Variants in LPAR1 observed in about 807,000 individuals in gnomAD.
The protein encoded by LPAR1 is LPA receptor 1.
A neutral mutation model predicts 23.8 loss-of-function variants in LPAR1; 5 were observed. The ratio of observed to expected loss-of-function variants is 0.21; its 90% CI spans 0.11 to 0.44. LPAR1 has a LOEUF of 0.44. Ranked by LOEUF, LPAR1 falls within the 20% of genes least tolerant of loss-of-function variation. The pLI, the probability that LPAR1 is intolerant of heterozygous loss-of-function variation, is 0.99. For synonymous variants in LPAR1, 160 were observed against 164.7 expected (o/e 0.97, Z 0.22); for missense variants, 311 against 482.8 (o/e 0.64, Z 3.33).
At chr9:110,907,916 A>C (rs1446859855) in intron 5 of LPAR1, among the ~76,000 whole-genome samples, 5 of 139,798 alleles carry the variant, frequency 3.6e-5, no homozygotes, top group African/African-American at 1.1e-4. Flanking sequence ...CCTTTGACAA[A>C]ACACACACAC....
chr9:110,914,691 G>A (rs923910572), intron 5 of LPAR1, among the ~76,000 whole-genome samples: 1 of 152,194 alleles, frequency 6.6e-6, no homozygotes, highest in Non-Finnish European at 1.5e-5. Flanking sequence ...AAGGCAGAAT[G>A]CTGATACTGA....
intron 2 of LPAR1, chr9:110,999,459 T>C (rs2097088406): frequency 2.2e-6 from 1 of 455,606 alleles, no homozygotes; most frequent in African/African-American, 2.0e-5. Flanking sequence ...CATGCAGCCC[T>C]GCTTTCTAAA....
At chr9:111,019,411 A>G (rs1446190508) in intron 2 of LPAR1, among the ~76,000 whole-genome samples, 1 of 152,162 alleles carries the variant, frequency 6.6e-6, no homozygotes, top group Admixed American at 6.5e-5. Context: ...TGTTCACTGG[A>G]ACATTTTTAC....
At chr9:110,903,116 A>G (rs2089893501) in intron 5 of LPAR1, among the ~76,000 whole-genome samples, 1 of 152,218 alleles carries the variant, frequency 6.6e-6, no homozygotes, top group South Asian at 2.1e-4. Flanking sequence ...GGATAGAATG[A>G]AAAATTACCC....
intron 4 of LPAR1, among the ~76,000 whole-genome samples, chr9:110,967,329 A>T (rs1015532334): frequency 6.6e-6 from 1 of 152,180 alleles, no homozygotes; most frequent in Non-Finnish European, 1.5e-5. Flanking sequence ...ATATCTTTCA[A>T]CTAACTAAAC....
chr9:110,892,293 A>G (rs10817105), intron 5 of LPAR1, among the ~76,000 whole-genome samples: 24,951 of 152,172 alleles, frequency 0.16, 2,603 homozygotes, highest in Admixed American at 0.24. Context: ...GAGAGAGAGA[A>G]TGAGGAAGAG....
chr9:110,935,617 T>C (rs2094650602), intron 5 of LPAR1, among the ~76,000 whole-genome samples: 1 of 152,130 alleles, frequency 6.6e-6, no homozygotes, highest in Non-Finnish European at 1.5e-5. Context: ...GGTGAAACCC[T>C]GGCTCTAAAA....
At chr9:110,876,617 G>A (rs1464339990) in intron 5 of LPAR1, among the ~76,000 whole-genome samples, 1 of 152,166 alleles carries the variant, frequency 6.6e-6, no homozygotes, top group East Asian at 1.9e-4. Context: ...GCTGCCTCCA[G>A]AGTTCAAGCT....
chr9:110,979,998 A>G (rs76995648), intron 2 of LPAR1, among the ~76,000 whole-genome samples: 2,026 of 152,258 alleles, frequency 0.013, 22 homozygotes, highest in Middle Eastern at 0.027. Flanking sequence ...ATTAGTTTAA[A>G]TAGAACAAAA....
chr9:111,013,803 G>A (rs770374695), intron 2 of LPAR1, among the ~76,000 whole-genome samples: 5 of 152,044 alleles, frequency 3.3e-5, no homozygotes, highest in Non-Finnish European at 5.9e-5. Flanking sequence ...ATTCCCTCTT[G>A]CAAACAACTC....
At chr9:111,033,276 C>G (rs1401668263) in intron 2 of LPAR1, among the ~76,000 whole-genome samples, 1 of 152,144 alleles carries the variant, frequency 6.6e-6, no homozygotes, top group African/African-American at 2.4e-5. Context: ...AACAACAACA[C>G]TACTTTGAAA....
chr9:110,995,564 T>G (rs1286655568), intron 2 of LPAR1, among the ~76,000 whole-genome samples: 1 of 152,122 alleles, frequency 6.6e-6, no homozygotes, highest in Non-Finnish European at 1.5e-5. Context: ...AGAAAACTAG[T>G]ATTGTACTAG....
chr9:110,881,473 C>T (rs984609197), intron 5 of LPAR1, among the ~76,000 whole-genome samples: 1 of 152,134 alleles, frequency 6.6e-6, no homozygotes, highest in Non-Finnish European at 1.5e-5. Flanking sequence ...CAAGAGAATG[C>T]CAAAGCTGCC....
chr9:110,895,335 A>AGCAAAGGTTCTGGGTG (rs2085938585), intron 5 of LPAR1, among the ~76,000 whole-genome samples: 1 of 152,334 alleles, frequency 6.6e-6, no homozygotes, highest in East Asian at 1.9e-4. Context: ...AGGCATAGCC[A>AGCAAAGGTTCTGGGTG]GCAAAGGTTC....
At chr9:110,907,128 T>C (rs2091455446) in intron 5 of LPAR1, among the ~76,000 whole-genome samples, 1 of 152,152 alleles carries the variant, frequency 6.6e-6, no homozygotes, top group African/African-American at 2.4e-5. Context: ...AAAAGGATAA[T>C]ACTACCTCTG....
At position 111,026,980 on chromosome 9, in the gene LPAR1, G is replaced by C. The variant is rs561706854; in HGVS notation, c.-182+9142C>G. ...CAATGTTCATCAGGGATATTGGCCT[G>C]AAATTTTCTTTTTTTGTTGTGTCTC... On this transcript the variant is annotated intron_variant, in intron 2 of 5. Transcript: ENST00000683809. Among the ~76,000 whole-genome samples the C allele has an allele frequency of 3.1e-3, 474 of 152,254 alleles. 2 individuals carry two copies. The highest frequency in any genetic ancestry group is 5.3e-3 in the Non-Finnish European group (359 of 68,016).
At chr9:110,925,744 T>C (rs1048327823) in intron 5 of LPAR1, among the ~76,000 whole-genome samples, 1 of 152,198 alleles carries the variant, frequency 6.6e-6, no homozygotes, top group African/African-American at 2.4e-5. Flanking sequence ...GAACATTACA[T>C]TCACCGCAGC....
chr9:110,941,194 A>G lies in LPAR1; in HGVS notation c.793+227T>C, dbSNP rs1353942765. ...CTTCAATGACATCTTTTACATCATCATCATTTATACTGCACCACTGGGACC... is the reference window on the plus strand; with the variant it reads ...CTTCAATGACATCTTTTACATCATCGTCATTTATACTGCACCACTGGGACC... On this transcript the variant is annotated intron_variant, in intron 5 of 5. Transcript: ENST00000683809. The surrounding 1 kb of genome is among the most constrained non-coding windows in gnomAD (Gnocchi z 6.1). Among the ~76,000 whole-genome samples, 1 of 152,192 alleles carries G rather than the reference A, an allele frequency of 6.6e-6. No homozygotes were observed. Among genetic ancestry groups the G allele is most frequent in the Non-Finnish European group, 1.5e-5 (1 of 68,036 alleles).
At chr9:110,973,390 A>G (rs1049160436) in intron 3 of LPAR1, 91 bp downstream of exon 3, 3 of 152,194 alleles carry the variant, frequency 2.0e-5, no homozygotes, top group Admixed American at 1.3e-4. Context: ...TCCCAGGCCT[A>G]TATGAAACGT....
Sources: allele counts gnomAD v4.1 joint callset (sites outside exome capture counted in the v4.1 genomes callset), GRCh38; gene constraint gnomAD v4.1.1; non-coding constraint Gnocchi (gnomAD v3.1); transcripts MANE v1.5; gene names NCBI Gene and HGNC (gene_info 2026-07-23, HGNC 2026-07-21).